MYO19: variants seen among roughly 807,000 people sequenced by gnomAD.
MYO19 encodes the protein myosin XIX.
MYO19 carries 132 observed loss-of-function variants against 129.2 expected under a neutral mutation model. That is an observed-to-expected ratio of 1.02 (90% CI 0.89 to 1.18). MYO19 has a LOEUF of 1.18. Among genes scored for constraint, MYO19 ranks in the 50% most tolerant of loss-of-function variants. The probability of loss-of-function intolerance (pLI) is 0.00; values close to 1 mark genes in which losing one functional copy is unlikely to be tolerated. For synonymous variants in MYO19, 531 were observed against 477.2 expected (o/e 1.11, Z -1.47); for missense variants, 1,210 against 1,216.7 (o/e 0.99, Z 0.08).
intron 13 of MYO19, 112 bp from the exon 14 acceptor site, chr17:36,509,247 G>T: frequency 2.3e-6 from 2 of 880,810 alleles, no homozygotes; most frequent in Non-Finnish European, 3.7e-6. Context: ...TGTATTCTGA[G>T]CCTGACAGGT....
chr17:36,509,375 G>A, intron 13 of MYO19: 1 of 577,878 alleles, frequency 1.7e-6, no homozygotes, highest in Middle Eastern at 4.7e-4. Flanking sequence ...CTTATGGGAA[G>A]ACTGAGCACA....
intron 6 of MYO19, among the ~76,000 whole-genome samples, chr17:36,523,113 G>A (rs1348787099): frequency 2.0e-5 from 3 of 151,686 alleles, no homozygotes; most frequent in East Asian, 3.9e-4. Context: ...TTGGAACTGG[G>A]GAGGCGGAGG....
In MYO19 at chr17:36,500,856, C is replaced by T; in HGVS notation, c.2351G>A (p.Trp784Ter). ...RHRHREQERQWRAVMLIQAAI... is the reference protein window; with the variant it reads ...RHRHREQERQ ...TGCCTGGATGAGCATGACGGCCCGC[C>T]ACTGCCGCTCCTGCTCTCGGTGCCG... Residue 784 changes from tryptophan to a stop codon, truncating the protein, a stop_gained, in exon 23 of 26, where the codon TGG becomes TAG. Transcript: ENST00000614623. LOFTEE classifies it high-confidence loss of function. 6.2e-7 allele frequency: 1 copy of T among 1,604,070 alleles called. No homozygotes were observed. The highest frequency in any genetic ancestry group is 2.2e-5 in the East Asian group (1 of 44,832).
At chr17:36,510,506 G>C (rs538719071) in intron 13 of MYO19, among the ~76,000 whole-genome samples, 1 of 152,336 alleles carries the variant, frequency 6.6e-6, no homozygotes, top group South Asian at 2.1e-4. Flanking sequence ...ATAATGAGCT[G>C]AATTCTGGCC....
At position 36,513,664 on chromosome 17, in the gene MYO19, A is replaced by T. The variant is rs780082630; in HGVS notation, c.782T>A (p.Phe261Tyr). 3.1e-6 allele frequency: 5 copies of T among 1,613,916 alleles called. No individual in the cohort carries two copies. Among genetic ancestry groups the T allele is most frequent in the East Asian group, 2.2e-5 (1 of 44,866 alleles). Residue 261 changes from phenylalanine to tyrosine, a missense_variant, in exon 10 of 26, where the codon TTC becomes TAC. Phe to Tyr is a conservative substitution (Grantham distance 22). Coordinates refer to ENST00000614623, the MANE Select transcript of MYO19 (RefSeq NM_001163735.2). The part of the protein sequence containing the change: ...LQWHLPEGAA[F>Y]SWLPNPERSL... ...CCTCTCTGGGTTGGGCAGCCAGGAG[A>T]AGGCAGCTCCCTCAGGAAGGTGCCA...
chr17:36,532,581 T>C lies in MYO19; in HGVS notation c.-43A>G, dbSNP rs957935531. 6.4e-7 allele frequency: 1 copy of C among 1,551,886 alleles called. No homozygotes were observed. Among genetic ancestry groups the C allele is most frequent in the African/African-American group, 1.4e-5 (1 of 73,002 alleles). On this transcript the variant is annotated 5_prime_UTR_variant, in exon 3 of 26. Transcript: ENST00000614623. ...AGCCAGGGTTCTGGGTTGCAGGAGGTACAAGGAGTACTATCCACCTAGTCA... is the reference window on the plus strand; with the variant it reads ...AGCCAGGGTTCTGGGTTGCAGGAGGCACAAGGAGTACTATCCACCTAGTCA...
At chr17:36,500,676 G>C in intron 23 of MYO19, 154 bp downstream of exon 23, 1 of 1,071,354 alleles carries the variant, frequency 9.3e-7, no homozygotes, top group Non-Finnish European at 1.3e-6. Flanking sequence ...ATGAGTGAGG[G>C]GGACAGGGAA....
intron 12 of MYO19, 41 bp from the exon 13 acceptor site, chr17:36,510,958 C>T: frequency 1.3e-6 from 2 of 1,534,360 alleles, no homozygotes; most frequent in Non-Finnish European, 1.8e-6. Flanking sequence ...CACTCTCCAT[C>T]CAGTCCTCTT....
At chr17:36,516,122 T>C in intron 6 of MYO19, 132 bp from the exon 7 acceptor site, 2 of 1,103,788 alleles carry the variant, frequency 1.8e-6, no homozygotes, top group Non-Finnish European at 2.5e-6. Context: ...GAAGGCAGAA[T>C]TCAACCCTGG....
chr17:36,532,487 G>A (rs779310569), intron 3 of MYO19, 40 bp downstream of exon 3: 2 of 1,552,686 alleles, frequency 1.3e-6, no homozygotes, highest in East Asian at 2.4e-5. Flanking sequence ...AGATGCTGCA[G>A]GTGCTTGAGG....
intron 6 of MYO19, among the ~76,000 whole-genome samples, chr17:36,519,736 G>C (rs2073025974): frequency 6.6e-6 from 1 of 151,566 alleles, no homozygotes. Context: ...TTGCACTAAA[G>C]AATTTATCAC....
chr17:36,533,267 G>A (rs762909912), intron 2 of MYO19: 1 of 152,428 alleles, frequency 6.6e-6, no homozygotes, highest in Admixed American at 6.5e-5. Context: ...TATTCACTCA[G>A]AGGATAAACA....
intron 14 of MYO19, 150 bp from the exon 15 acceptor site, chr17:36,508,074 C>T: frequency 1.3e-6 from 1 of 743,212 alleles, no homozygotes; most frequent in Non-Finnish European, 2.0e-6. Context: ...CTGTGGTGGG[C>T]AGAACATACC....
intron 12 of MYO19, 136 bp from the exon 13 acceptor site, chr17:36,511,053 C>G: frequency 9.4e-7 from 1 of 1,069,448 alleles, no homozygotes; most frequent in South Asian, 1.6e-5. Flanking sequence ...AGTGAAGTGA[C>G]TCACCCAAAG....
In MYO19 at chr17:36,501,169, G is replaced by A. The variant is rs760655341; in HGVS notation, c.2147C>T (p.Pro716Leu). The A allele has an allele frequency of 1.4e-5, 22 of 1,613,908 alleles. No homozygotes were observed. The highest frequency in any genetic ancestry group is 1.2e-4 in the African/African-American group (9 of 74,934). ...PLIQDILHTL[P>L]VLTQAAAITG... ...TATGGCTGCTGCCTGAGTTAGGACC[G>A]GCAGAGTGTGGAGAATGTCCTGGAT... The change falls in exon 22 of 26, where the codon CCG (proline) becomes CTG (leucine). Residue 716 changes from proline (P) to leucine (L), a missense_variant. Pro to Leu is a moderately conservative substitution (Grantham distance 98). Transcript: ENST00000614623.
intron 6 of MYO19, among the ~76,000 whole-genome samples, chr17:36,522,033 A>C (rs1347995631): frequency 6.6e-6 from 1 of 150,608 alleles, no homozygotes; most frequent in East Asian, 1.9e-4. Context: ...GTCTTTAAAA[A>C]AAAAAAAAAA....
chr17:36,518,077 C>T (rs1047142078), intron 6 of MYO19, among the ~76,000 whole-genome samples: 1 of 142,412 alleles, frequency 7.0e-6, no homozygotes, highest in African/African-American at 2.6e-5. Flanking sequence ...GCAACAATAG[C>T]GAAACTATCT....
intron 21 of MYO19, among the ~76,000 whole-genome samples, chr17:36,502,467 T>G (rs1218233640): frequency 6.6e-6 from 1 of 152,140 alleles, no homozygotes; most frequent in East Asian, 1.9e-4. Context: ...GACTGACCAG[T>G]TTCTTCCAAC....
intron 9 of MYO19, 51 bp downstream of exon 9, chr17:36,514,395 G>A: frequency 8.1e-7 from 1 of 1,228,646 alleles, no homozygotes; most frequent in Admixed American, 1.7e-5. Context: ...GAAAAACACG[G>A]ACCCATCCCT....
Sources: gnomAD v4.1 joint callset for allele counts (sites outside exome capture counted in the v4.1 genomes callset) on GRCh38, gnomAD v4.1.1 for gene constraint, MANE v1.5 for transcripts, NCBI Gene and HGNC (gene_info 2026-07-23, HGNC 2026-07-21) for gene names.